KHDRBS3: variants seen among roughly 807,000 people sequenced by gnomAD.
The protein encoded by KHDRBS3 is KH domain-containing, RNA-binding, signal transduction-associated protein 3.
Under a neutral mutation model 45.6 loss-of-function variants are expected in KHDRBS3, and 23 were observed. The observed-to-expected ratio is 0.50, with a 90% confidence interval of 0.36 to 0.72. The LOEUF (loss-of-function observed/expected upper bound fraction) is 0.72. KHDRBS3 is among the 30% of genes least tolerant of loss of function. KHDRBS3 has a pLI of 0.00. For synonymous variants in KHDRBS3, 162 were observed against 156.5 expected (o/e 1.04, Z -0.26); for missense variants, 352 against 424.8 (o/e 0.83, Z 1.51).
At chr8:135,595,193 T>C (rs1300802992) in intron 6 of KHDRBS3, among the ~76,000 whole-genome samples, 3 of 152,150 alleles carry the variant, frequency 2.0e-5, no homozygotes, top group Non-Finnish European at 2.9e-5. Flanking sequence ...GTGGTTACTT[T>C]TGGGGCAAGA....
At chr8:135,572,261 C>T (rs1475412839) in intron 5 of KHDRBS3, among the ~76,000 whole-genome samples, 7 of 152,174 alleles carry the variant, frequency 4.6e-5, no homozygotes, top group Non-Finnish European at 5.9e-5. Context: ...AAATAAGGAG[C>T]TCTCTGTTAT....
intron 1 of KHDRBS3, among the ~76,000 whole-genome samples, chr8:135,515,133 G>A (rs1034063318): frequency 2.6e-5 from 4 of 151,898 alleles, no homozygotes; most frequent in Admixed American, 6.6e-5. Flanking sequence ...TTGGGAGGCC[G>A]AGGCGGGCGG....
intron 5 of KHDRBS3, among the ~76,000 whole-genome samples, chr8:135,577,096 G>A (rs1827978581): frequency 6.9e-6 from 1 of 145,250 alleles, no homozygotes; most frequent in Non-Finnish European, 1.5e-5. Context: ...CTAGAACAGT[G>A]CTTATTTACG....
chr8:135,479,244 A>G (rs769463716), intron 1 of KHDRBS3, among the ~76,000 whole-genome samples: 2 of 152,244 alleles, frequency 1.3e-5, no homozygotes, highest in Non-Finnish European at 2.9e-5. Flanking sequence ...TTCTTGAAAG[A>G]CACAAATAAC....
At position 135,542,709 on chromosome 8, in the gene KHDRBS3, A is replaced by T. The variant is rs1826102669; in HGVS notation, c.263A>T (p.Gln88Leu). Residue 88 changes from glutamine (Q) to leucine (L), a missense_variant, in exon 3 of 9, where the codon CAA (glutamine) becomes CTA (leucine). Gln to Leu is a moderately radical substitution (Grantham distance 113). Around this residue, in one of 6 missense-constraint regions of KHDRBS3, gnomAD observed 15 missense variants for 30.2 expected, o/e 0.50. Coordinates refer to ENST00000355849, the MANE Select transcript of KHDRBS3 (RefSeq NM_006558.3). ...GPRGNSLKRL[Q>L]EETLTKMSIL... ...CGTGGCAATTCTCTGAAGCGTTTACAAGAAGAAACCTTGACAAAAATGTCC... is the reference window on the plus strand; with the variant it reads ...CGTGGCAATTCTCTGAAGCGTTTACTAGAAGAAACCTTGACAAAAATGTCC... 6.2e-7 allele frequency: 1 copy of T among 1,613,822 alleles called. No individual in the cohort carries two copies. The highest frequency in any genetic ancestry group is 8.5e-7 in the Non-Finnish European group (1 of 1,179,842).
intron 1 of KHDRBS3, chr8:135,458,189 A>T (rs1240516624): frequency 1.5e-6 from 2 of 1,295,350 alleles, no homozygotes; most frequent in Non-Finnish European, 9.8e-7. Context: ...CATGGGTGAG[A>T]CTTGAAGGAA....
chr8:135,538,073 G>A (rs1228255830), intron 2 of KHDRBS3, among the ~76,000 whole-genome samples: 4 of 152,254 alleles, frequency 2.6e-5, no homozygotes, highest in East Asian at 3.9e-4. Flanking sequence ...GGCAGAAAAA[G>A]GCTTTCCTTT....
At chr8:135,492,275 A>AT (rs1393240105) in intron 1 of KHDRBS3, among the ~76,000 whole-genome samples, 2 of 151,952 alleles carry the variant, frequency 1.3e-5, no homozygotes, top group African/African-American at 2.4e-5. Flanking sequence ...TTTGCTTTGT[A>AT]TTTTTTTAGC....
chr8:135,611,383 G>GT (rs1829698670), intron 7 of KHDRBS3, among the ~76,000 whole-genome samples: 1 of 151,954 alleles, frequency 6.6e-6, no homozygotes, highest in African/African-American at 2.4e-5. Flanking sequence ...CTATATATTA[G>GT]TATCTTTTCC....
intron 4 of KHDRBS3, chr8:135,549,422 G>A (rs1283047965): frequency 1.3e-5 from 2 of 152,096 alleles, no homozygotes; most frequent in African/African-American, 4.8e-5. Context: ...AGAGGGGATG[G>A]GCTATTTAGC....
chr8:135,477,371 T>G (rs1484418561), intron 1 of KHDRBS3, among the ~76,000 whole-genome samples: 2 of 152,204 alleles, frequency 1.3e-5, no homozygotes, highest in Non-Finnish European at 1.5e-5. Context: ...TTGCTTCCGT[T>G]CTGCATATTC....
rs183655793 is a variant in KHDRBS3, at chr8:135,586,359, G to T, written c.807+4286G>T. Among the ~76,000 whole-genome samples the T allele has an allele frequency of 2.0e-4, 30 of 152,142 alleles. No homozygotes were observed. The East Asian group carries it at 4.1e-3, about 21-fold the overall frequency. On this transcript the variant is annotated intron_variant, in intron 6 of 8. Transcript: ENST00000355849. The stretch of plus-strand genomic sequence containing the variant: ...AAAAAACAGTGTTCCACTAGCCGAG[G>T]TTATAAATAAAATCTCTTCATCTTT...
chr8:135,645,955 G>GT (rs1471417963), intron 8 of KHDRBS3, among the ~76,000 whole-genome samples: 2 of 137,390 alleles, frequency 1.5e-5, no homozygotes, highest in African/African-American at 5.5e-5. Flanking sequence ...GCATTTTGTT[G>GT]TATCACCTGC....
chr8:135,501,305 G>A lies in KHDRBS3; in HGVS notation c.89-19932G>A, dbSNP rs564367386. 2.5e-4 allele frequency among the ~76,000 whole-genome samples: 38 copies of A among 152,282 alleles called. No homozygotes were observed. In the South Asian group the frequency reaches 5.8e-3, roughly 23 times the overall value. ...CATATCCAGTTGGTGACCCTTCAGCGTACATAAAGGCAGGATGCTTTGGCA... is the reference window on the plus strand; with the variant it reads ...CATATCCAGTTGGTGACCCTTCAGCATACATAAAGGCAGGATGCTTTGGCA... On this transcript the variant is annotated intron_variant, in intron 1 of 8. Transcript: ENST00000355849.
chr8:135,637,512 G>A (rs921227051), intron 7 of KHDRBS3, among the ~76,000 whole-genome samples: 5 of 151,990 alleles, frequency 3.3e-5, no homozygotes, highest in African/African-American at 7.3e-5. Flanking sequence ...TTAAAGGAAC[G>A]GGGCAAAATA....
intron 6 of KHDRBS3, among the ~76,000 whole-genome samples, chr8:135,586,521 A>T (rs534305039): frequency 1.4e-5 from 2 of 141,946 alleles, no homozygotes; most frequent in East Asian, 5.1e-4. Flanking sequence ...GAAGTAGGTA[A>T]ATGGAAATGA....
intron 3 of KHDRBS3, among the ~76,000 whole-genome samples, chr8:135,544,321 G>A (rs1826184865): frequency 6.6e-6 from 1 of 152,134 alleles, no homozygotes; most frequent in African/African-American, 2.4e-5. Context: ...TTTACAGGTA[G>A]AAGGGAAACA....
Position 135,481,238 on chromosome 8 carries a change from A to G in KHDRBS3, c.88+23284A>G, listed in dbSNP as rs62522949. Among the ~76,000 whole-genome samples, 38 of 68,198 alleles carry G rather than the reference A, an allele frequency of 5.6e-4. 2 individuals carry two copies. The highest frequency in any genetic ancestry group is 4.0e-3 in the South Asian group (8 of 1,982). 44.7% of individuals were successfully genotyped at this position (68,198 alleles called of 152,430 possible). ...TGAAAGCCACGATATATATATATAT[A>G]TATATATATATATTTAATGTAAGCC... On this transcript the variant is annotated intron_variant, in intron 1 of 8. Transcript: ENST00000355849.
chr8:135,538,601 A>G (rs942522827), intron 2 of KHDRBS3: 1 of 152,228 alleles, frequency 6.6e-6, no homozygotes, highest in Non-Finnish European at 1.5e-5. Context: ...TTTATTCTTC[A>G]TAATGACCCT....
Sources: allele counts gnomAD v4.1 joint callset (sites outside exome capture counted in the v4.1 genomes callset), GRCh38; gene constraint gnomAD v4.1.1; regional missense constraint gnomAD v4.1.1; transcripts MANE v1.5; gene names NCBI Gene and HGNC (gene_info 2026-07-23, HGNC 2026-07-21).